EDRF1: variants seen among roughly 807,000 people sequenced by gnomAD.
EDRF1 encodes erythroid differentiation regulatory factor 1, also known as erythroid differentiation-related factor 1.
Under a neutral mutation model 148.7 loss-of-function variants are expected in EDRF1, and 69 were observed. The observed-to-expected ratio is 0.46, with a 90% CI of 0.38 to 0.57. The LOEUF (loss-of-function observed/expected upper bound fraction) is 0.57. Ranked by LOEUF, EDRF1 falls within the 20% of genes least tolerant of loss-of-function variation. The pLI is 0.00. For synonymous variants in EDRF1, 515 were observed against 532.8 expected (o/e 0.97, Z 0.46); for missense variants, 1,118 against 1,478.7 (o/e 0.76, Z 4.00).
rs776610443 is a variant in EDRF1 at position 125,737,900 on chromosome 10, TTA to T, written c.1759-16_1759-15del. On this transcript the variant is annotated splice_polypyrimidine_tract_variant and intron_variant, in intron 13 of 24. Transcript: ENST00000356792. ...ATACATTGGTAGTGTATTAATAATT[TTA>T]TGTTTGTTCCTCAAGCCCAGTTGTG... 5.6e-6 allele frequency: 9 copies of T among 1,611,800 alleles called. No homozygotes were observed. The highest frequency in any genetic ancestry group is 2.2e-5 in the East Asian group (1 of 44,852).
At chr10:125,728,044 A>G (rs1037033605) in intron 6 of EDRF1, among the ~76,000 whole-genome samples, 1 of 151,408 alleles carries the variant, frequency 6.6e-6, no homozygotes, top group African/African-American at 2.4e-5. Context: ...TTAAAAAAAG[A>G]AAAAAAAATT....
At chr10:125,749,767 G>A (rs1452777109) in intron 22 of EDRF1, 5 of 615,974 alleles carry the variant, frequency 8.1e-6, no homozygotes, top group Non-Finnish European at 1.4e-5. Flanking sequence ...ATTAGATTAT[G>A]TTCAGTGACT....
intron 4 of EDRF1, among the ~76,000 whole-genome samples, 161 bp from the exon 5 acceptor site, chr10:125,725,157 A>G (rs537470106): frequency 1.3e-5 from 2 of 152,366 alleles, no homozygotes; most frequent in East Asian, 3.9e-4. Flanking sequence ...AAAAAACAAA[A>G]GAAAGGTGGT....
intron 3 of EDRF1, 91 bp from the exon 4 acceptor site, chr10:125,723,720 A>C: frequency 7.5e-7 from 1 of 1,333,522 alleles, no homozygotes; most frequent in Non-Finnish European, 1.1e-6. Context: ...AAGGTTTATT[A>C]TGCTTTAAAA....
At chr10:125,735,593 A>T in intron 12 of EDRF1, 51 bp from the exon 13 acceptor site, 1 of 1,580,710 alleles carries the variant, frequency 6.3e-7, no homozygotes, top group Non-Finnish European at 8.7e-7. Context: ...AGTAAAATTC[A>T]TGTATTTTTT....
intron 22 of EDRF1, chr10:125,752,147 C>T (rs76273590): frequency 0.015 from 2,330 of 152,682 alleles, 58 homozygotes; most frequent in East Asian, 0.097. Context: ...CATTGTGACC[C>T]AAGGACCCCC....
At chr10:125,738,478 A>G in intron 15 of EDRF1, 33 bp downstream of exon 15, 1 of 1,613,110 alleles carries the variant, frequency 6.2e-7, no homozygotes. Flanking sequence ...TAAGGCCTTC[A>G]ATAGAATAAT....
At chr10:125,742,371 T>G in intron 17 of EDRF1, 1 of 1,195,752 alleles carries the variant, frequency 8.4e-7, no homozygotes, top group Non-Finnish European at 1.1e-6. Flanking sequence ...CTCATGGGGT[T>G]GTTTTATTAT....
intron 6 of EDRF1, among the ~76,000 whole-genome samples, chr10:125,727,557 T>C (rs1310686112): frequency 1.3e-5 from 2 of 152,194 alleles, no homozygotes; most frequent in African/African-American, 4.8e-5. Context: ...CATGAGTTGA[T>C]AACTTGTCTG....
At chr10:125,723,549 C>T (rs966749475) in intron 3 of EDRF1, among the ~76,000 whole-genome samples, 3 of 152,100 alleles carry the variant, frequency 2.0e-5, no homozygotes, top group African/African-American at 4.8e-5. Context: ...CGTATACACC[C>T]TTAACTTTAA....
rs17153494 is a variant in EDRF1, at chr10:125,741,035, C to G, written c.2205C>G (p.Ser735=). 12 of 1,614,070 alleles carry G rather than the reference C, an allele frequency of 7.4e-6. No homozygotes were observed. In the African/African-American group the frequency reaches 9.3e-5, roughly 13 times the overall value. Reference sequence around the variant, plus strand: ...GCTGCCTCTGCACCAATATGCTTTCCGAAGTGCTGTTGTTTCTCTCTCAAT... The same window carrying G: ...GCTGCCTCTGCACCAATATGCTTTCGGAAGTGCTGTTGTTTCTCTCTCAAT... ...TYCCLCTNML[S]EVLLFLSQYL... The change falls in exon 17 of 25, where the codon TCC becomes TCG. Residue 735 remains serine (S), a synonymous_variant. Transcript: ENST00000356792.
chr10:125,749,253 A>C, intron 21 of EDRF1, 159 bp from the exon 22 acceptor site: 1 of 838,776 alleles, frequency 1.2e-6, no homozygotes, highest in Non-Finnish European at 1.9e-6. Flanking sequence ...GTCTCAAAAA[A>C]AAAAAAAGAA....
chr10:125,752,575 C>T (rs1000000908), intron 22 of EDRF1, among the ~76,000 whole-genome samples: 1 of 152,172 alleles, frequency 6.6e-6, no homozygotes, highest in African/African-American at 2.4e-5. Flanking sequence ...CTTGACAAAA[C>T]CAAATGGTGG....
Position 125,745,856 on chromosome 10 carries a change from G to T in EDRF1, c.2740G>T (p.Ala914Ser). 6.2e-7 allele frequency: 1 copy of T among 1,614,214 alleles called. No homozygotes were observed. The highest frequency in any genetic ancestry group is 1.1e-5 in the South Asian group (1 of 91,090). ...CNTGRLMRIC[A>S]QAHCGAGDEL... ...CACGGGAAGGCTCATGCGGATTTGT[G>T]CGCAGGCCCACTGTGGTGCAGGGGA... Residue 914 changes from alanine to serine, a missense_variant, in exon 19 of 25, where the codon GCG becomes TCG. Physicochemically the swap from Ala to Ser is moderately conservative, Grantham distance 99. Transcript: ENST00000356792.
intron 19 of EDRF1, chr10:125,746,734 C>CA (rs1249834337): frequency 1.3e-5 from 2 of 152,222 alleles, no homozygotes; most frequent in African/African-American, 4.8e-5. Context: ...AGCATGTTGC[C>CA]AACACGCCTG....
rs1446258694 is a variant in EDRF1 at position 125,734,116 on chromosome 10, A to C, written c.1430A>C (p.His477Pro). Residue 477 changes from histidine (H) to proline (P), a missense_variant, in exon 12 of 25, where the codon CAC (histidine) becomes CCC (proline). Physicochemically the swap from His to Pro is moderately conservative, Grantham distance 77 (BLOSUM62 -2). Around this residue, in one of 3 missense-constraint regions of EDRF1, gnomAD observed 954 missense variants for 1,241.4 expected, o/e 0.77. Transcript: ENST00000356792. The part of the protein sequence containing the change: ...MMMKKNQNKK[H>P]YGTIRTLLLN... ...ATGAAGAAGAATCAAAATAAGAAAC[A>C]CTATGGAACTATTAGAACATTGCTT... The C allele has an allele frequency of 6.2e-7, 1 of 1,613,380 alleles. No individual in the cohort carries two copies. The highest frequency in any genetic ancestry group is 8.5e-7 in the Non-Finnish European group (1 of 1,179,414).
chr10:125,752,448 C>T (rs1161745481), intron 22 of EDRF1, among the ~76,000 whole-genome samples: 1 of 152,202 alleles, frequency 6.6e-6, no homozygotes, highest in East Asian at 1.9e-4. Context: ...ACAACTGATA[C>T]TAAGTGCTTA....
In EDRF1 at chr10:125,729,040, A is replaced by G. The variant is rs758766016; in HGVS notation, c.830A>G (p.His277Arg). 1 of 1,583,416 alleles carries G rather than the reference A, an allele frequency of 6.3e-7. No homozygotes were observed. Among genetic ancestry groups the G allele is most frequent in the Admixed American group, 1.7e-5 (1 of 57,868 alleles). Reference protein sequence around the residue: ...EPLEPSYIVGHVASAPKEQNL... With the variant: ...EPLEPSYIVGRVASAPKEQNL... ...CTTGAACCCTCATACATAGTGGGGCATGTGGCCTCAGCCCCCAAAGAACAA... is the reference window on the plus strand; with the variant it reads ...CTTGAACCCTCATACATAGTGGGGCGTGTGGCCTCAGCCCCCAAAGAACAA... The change falls in exon 7 of 25, where the codon CAT becomes CGT. Residue 277 changes from histidine to arginine, a missense_variant. Physicochemically the swap from His to Arg is conservative, Grantham distance 29. Transcript: ENST00000356792.
chr10:125,722,196 C>T (rs746845503), intron 2 of EDRF1, among the ~76,000 whole-genome samples: 14 of 152,308 alleles, frequency 9.2e-5, no homozygotes, highest in Admixed American at 2.0e-4. Flanking sequence ...AAAAGAATGG[C>T]TTAATCAGTT....
Sources: allele counts gnomAD v4.1 joint callset (sites outside exome capture counted in the v4.1 genomes callset), GRCh38; gene constraint gnomAD v4.1.1; regional missense constraint gnomAD v4.1.1; transcripts MANE v1.5; gene names NCBI Gene and HGNC (gene_info 2026-07-23, HGNC 2026-07-21).